Variants in SRGAP3 observed in about 807,000 individuals in gnomAD.
The protein encoded by SRGAP3 is SLIT-ROBO Rho GTPase activating protein 3.
In SRGAP3, 39 loss-of-function variants were observed where a neutral mutation model predicts 121.1. That is an observed-to-expected ratio of 0.32 (90% CI 0.25 to 0.42). The LOEUF is 0.42. Among genes scored for constraint, SRGAP3 ranks in the 10% least tolerant of loss-of-function variants. The pLI is 1.00. For missense variants in SRGAP3, 1,213 were observed against 1,470.6 expected, an observed-to-expected ratio of 0.82 and a Z score of 2.86; for synonymous variants, 601 against 570.0, an observed-to-expected ratio of 1.05 and a Z score of -0.77.
At chr3:9,025,217 G>A (rs959883883) in intron 14 of SRGAP3, 44 bp downstream of exon 14, 23 of 1,601,310 alleles carry the variant, frequency 1.4e-5, no homozygotes, top group Non-Finnish European at 1.9e-5. Context: ...TATTCACCCT[G>A]GCTTCCCCTG....
intron 10 of SRGAP3, 62 bp downstream of exon 10, chr3:9,047,329 G>A (rs1341027293): frequency 2.0e-5 from 31 of 1,530,450 alleles, no homozygotes; most frequent in African/African-American, 2.7e-5. Context: ...ACGTCAGGGG[G>A]CCACAGTGAG....
intron 1 of SRGAP3, chr3:9,236,052 C>G (rs1322238445): frequency 6.2e-6 from 1 of 160,758 alleles, no homozygotes; most frequent in Non-Finnish European, 1.4e-5. Flanking sequence ...CTTCTCCTTT[C>G]CAGCCTCATC....
intron 3 of SRGAP3, among the ~76,000 whole-genome samples, chr3:9,099,877 T>C (rs1385595877): frequency 6.6e-6 from 1 of 152,172 alleles, no homozygotes; most frequent in Non-Finnish European, 1.5e-5. Flanking sequence ...AATACTCAAA[T>C]GCACAAAGGG....
At chr3:9,224,493 G>A (rs945849015) in intron 1 of SRGAP3, among the ~76,000 whole-genome samples, 2 of 152,060 alleles carry the variant, frequency 1.3e-5, no homozygotes, top group Non-Finnish European at 2.9e-5. Context: ...TCCAAATGTC[G>A]AGTAATCGTG....
rs1944551763 is a variant in SRGAP3, at chr3:9,032,746, G to A, written c.1443C>T (p.Pro481=). Residue 481 remains proline, a synonymous_variant, in exon 12 of 22, where the codon CCC becomes CCT. Coordinates refer to ENST00000383836, the MANE Select transcript of SRGAP3 (RefSeq NM_014850.4). Reference sequence around the variant, plus strand: ...TTTTCTGTGGTTTAGGGGGAAGACAGGGGGGCCTAGGGGAAAACGGAACAA... The same window carrying A: ...TTTTCTGTGGTTTAGGGGGAAGACAAGGGGGCCTAGGGGAAAACGGAACAA... The part of the protein sequence containing the change: ...ERAECGTTRP[P]CLPPKPQKMR... The A allele has an allele frequency of 1.2e-6, 2 of 1,612,784 alleles. No individual in the cohort carries two copies. The highest frequency in any genetic ancestry group is 1.7e-5 in the Admixed American group (1 of 59,944).
chr3:9,256,113 G>A (rs910883205), intron 3 of SRGAP3, among the ~76,000 whole-genome samples: 3 of 152,020 alleles, frequency 2.0e-5, no homozygotes, highest in African/African-American at 7.3e-5. Context: ...ACCAGTCCCC[G>A]CTTCCTTAGG....
chr3:9,248,151 G>A (rs1248134154), intron 1 of SRGAP3, among the ~76,000 whole-genome samples: 1 of 152,350 alleles, frequency 6.6e-6, no homozygotes, highest in East Asian at 1.9e-4. Context: ...AGGCAGCGCT[G>A]ACCAGCCCAA....
chr3:9,159,615 T>A (rs1156352776), intron 1 of SRGAP3, among the ~76,000 whole-genome samples: 1 of 151,854 alleles, frequency 6.6e-6, no homozygotes, highest in Non-Finnish European at 1.5e-5. Context: ...TGACACACAG[T>A]TTACCCATAT....
chr3:9,091,504 G>A (rs754648840), intron 3 of SRGAP3, among the ~76,000 whole-genome samples: 28 of 152,070 alleles, frequency 1.8e-4, no homozygotes, highest in Non-Finnish European at 1.3e-4. Context: ...GAGACCCACA[G>A]ATGTTCCCTA....
intron 14 of SRGAP3, among the ~76,000 whole-genome samples, chr3:9,016,513 C>G (rs183554446): frequency 6.6e-6 from 1 of 152,274 alleles, no homozygotes; most frequent in Admixed American, 6.5e-5. Context: ...TTAGAAGGCA[C>G]GTACGTCAGG....
chr3:9,329,204 A>G (rs1459857440), intron 2 of SRGAP3, among the ~76,000 whole-genome samples: 1 of 152,194 alleles, frequency 6.6e-6, no homozygotes, highest in Non-Finnish European at 1.5e-5. Flanking sequence ...AACTTTACAG[A>G]GGAGAAAAAC....
At chr3:9,204,222 C>T (rs1952181004) in intron 1 of SRGAP3, among the ~76,000 whole-genome samples, 1 of 152,230 alleles carries the variant, frequency 6.6e-6, no homozygotes, top group African/African-American at 2.4e-5. Flanking sequence ...CCTGTGTGAC[C>T]CTCAGAAAAG....
At chr3:9,111,419 G>C (rs938825567) in intron 2 of SRGAP3, among the ~76,000 whole-genome samples, 5 of 152,246 alleles carry the variant, frequency 3.3e-5, no homozygotes, top group African/African-American at 4.8e-5. Context: ...GGAACAGAAT[G>C]GGCAAAGGCG....
chr3:9,008,349 T>G (rs1458843168), intron 18 of SRGAP3: 1 of 152,166 alleles, frequency 6.6e-6, no homozygotes, highest in East Asian at 1.9e-4. Context: ...CCCGAGGAGC[T>G]GTGGAAAAAC....
At chr3:9,172,422 TG>T (rs921715897) in intron 1 of SRGAP3, among the ~76,000 whole-genome samples, 9 of 152,148 alleles carry the variant, frequency 5.9e-5, no homozygotes, top group African/African-American at 1.7e-4. Flanking sequence ...CATTTTAACT[TG>T]ATTACCTCTG....
intron 3 of SRGAP3, among the ~76,000 whole-genome samples, chr3:9,084,530 T>C (rs1054936682): frequency 3.9e-5 from 6 of 152,318 alleles, no homozygotes; most frequent in African/African-American, 1.4e-4. Context: ...GGACAATTGA[T>C]TGGACTGAAG....
chr3:9,284,378 C>G (rs558771411), intron 3 of SRGAP3, among the ~76,000 whole-genome samples: 1 of 152,294 alleles, frequency 6.6e-6, no homozygotes, highest in South Asian at 2.1e-4. Flanking sequence ...TTTTGTTTTA[C>G]CACGTGTGTG....
chr3:9,286,328 C>A (rs1020043907), intron 3 of SRGAP3, among the ~76,000 whole-genome samples: 5 of 152,110 alleles, frequency 3.3e-5, no homozygotes, highest in African/African-American at 7.2e-5. Flanking sequence ...TGCCCCCCAA[C>A]ACACACTATT....
intron 5 of SRGAP3, among the ~76,000 whole-genome samples, chr3:9,062,735 A>G (rs539425388): frequency 6.6e-6 from 1 of 152,364 alleles, no homozygotes; most frequent in East Asian, 1.9e-4. Flanking sequence ...ATAATATTCC[A>G]TCACATGGAT....
Sources: allele counts gnomAD v4.1 joint callset (sites outside exome capture counted in the v4.1 genomes callset), GRCh38; gene constraint gnomAD v4.1.1; transcripts MANE v1.5; gene names NCBI Gene and HGNC (gene_info 2026-07-23, HGNC 2026-07-21).